STK32A: variants seen among roughly 807,000 people sequenced by gnomAD.
STK32A encodes the protein serine/threonine kinase 32A.
STK32A carries 41 observed loss-of-function variants against 53.2 expected under a neutral mutation model. The ratio of observed to expected loss-of-function variants is 0.77; its 90% confidence interval spans 0.60 to 1.00. The LOEUF is 1.00. Among genes scored for constraint, STK32A ranks in the 50% least tolerant of loss-of-function variants. The probability of loss-of-function intolerance (pLI) is 0.00; values close to 1 mark genes in which losing one functional copy is unlikely to be tolerated. For missense variants in STK32A, 458 were observed against 485.8 expected (o/e 0.94, Z 0.54); for synonymous variants, 166 against 162.8 (o/e 1.02, Z -0.15).
intron 8 of STK32A, among the ~76,000 whole-genome samples, chr5:147,369,054 T>C (rs1334517454): frequency 3.3e-5 from 5 of 152,178 alleles, no homozygotes; most frequent in African/African-American, 1.2e-4. Context: ...CTTTGGCTAC[T>C]AAATTACCAA....
chr5:147,327,326 T>A (rs1754648276), intron 5 of STK32A, among the ~76,000 whole-genome samples: 1 of 152,158 alleles, frequency 6.6e-6, no homozygotes, highest in Non-Finnish European at 1.5e-5. Context: ...GAATTCAAGA[T>A]AACAAAACAC....
intron 4 of STK32A, among the ~76,000 whole-genome samples, chr5:147,298,940 G>A (rs549020544): frequency 6.6e-6 from 1 of 152,282 alleles, no homozygotes; most frequent in East Asian, 1.9e-4. Flanking sequence ...TACCGAGATG[G>A]CTGCCAGATC....
intron 2 of STK32A, among the ~76,000 whole-genome samples, chr5:147,253,846 C>A (rs1003074491): frequency 6.6e-6 from 1 of 152,054 alleles, no homozygotes. Flanking sequence ...AGAAGGCAAA[C>A]GTATATCATT....
intron 7 of STK32A, among the ~76,000 whole-genome samples, chr5:147,353,136 C>T (rs1756062080): frequency 6.9e-6 from 1 of 144,194 alleles, no homozygotes; most frequent in South Asian, 2.3e-4. Flanking sequence ...ACCCCTCTGC[C>T]TCGACTACCC....
intron 4 of STK32A, among the ~76,000 whole-genome samples, chr5:147,320,121 C>G (rs191418352): frequency 5.8e-4 from 88 of 152,290 alleles, no homozygotes; most frequent in Admixed American, 1.3e-3. Flanking sequence ...AAAAAATGCT[C>G]ATCACAGTTA....
At chr5:147,383,201 G>A (rs1357796909) in intron 11 of STK32A, 1 of 522,988 alleles carries the variant, frequency 1.9e-6, no homozygotes, top group East Asian at 3.7e-5. Context: ...TTCTAAAATA[G>A]TGACATTAGA....
chr5:147,248,837 G>A lies in STK32A; in HGVS notation c.52+9151G>A, dbSNP rs140189741. 2.6e-3 allele frequency among the ~76,000 whole-genome samples: 390 copies of A among 152,302 alleles called. 3 individuals carry two copies. Among genetic ancestry groups the A allele is most frequent in the African/African-American group, 8.7e-3 (363 of 41,568 alleles). ...CCTTGGAGACTACTTCCCTGGAGAA[G>A]CTCCAATTATATTCTTAAAGGACCC... On this transcript the variant is annotated intron_variant, in intron 2 of 12. Transcript: ENST00000397936.
rs183758627 is a variant in STK32A, at chr5:147,320,142, T to A, written c.261-3756T>A. ...TGCTCATCACAGTTAACTAAACTGA[T>A]TTCACAACTCCTTAAAGGAATTTGA... On this transcript the variant is annotated intron_variant, in intron 4 of 12. Coordinates refer to ENST00000397936, the MANE Select transcript of STK32A (RefSeq NM_001112724.2). 4.6e-5 allele frequency among the ~76,000 whole-genome samples: 7 copies of A among 152,360 alleles called. No individual in the cohort carries two copies. In the East Asian group the frequency reaches 1.3e-3, roughly 29 times the overall value.
At chr5:147,284,733 A>G (rs189223035) in intron 4 of STK32A, among the ~76,000 whole-genome samples, 2 of 152,044 alleles carry the variant, frequency 1.3e-5, no homozygotes, top group Admixed American at 6.6e-5. Context: ...ACTTAGGAAT[A>G]TACTTAACCA....
intron 4 of STK32A, among the ~76,000 whole-genome samples, chr5:147,295,634 C>T (rs924885876): frequency 6.6e-6 from 1 of 152,158 alleles, no homozygotes; most frequent in Non-Finnish European, 1.5e-5. Flanking sequence ...AGAACTCATT[C>T]ATATATTTTT....
Position 147,384,569 on chromosome 5 carries a change from C to A in STK32A, c.*586C>A. 1.5e-6 allele frequency: 1 copy of A among 681,696 alleles called. No homozygotes were observed. Among genetic ancestry groups the A allele is most frequent in the Non-Finnish European group, 2.4e-6 (1 of 423,314 alleles). 42.2% of individuals were successfully genotyped at this position (681,696 alleles called of 1,614,324 possible). A position where few individuals can be genotyped will look rare whatever the true frequency, so the allele number is the denominator to read the frequency against. On this transcript the variant is annotated 3_prime_UTR_variant, in exon 13 of 13. Coordinates refer to ENST00000397936, the MANE Select transcript of STK32A (RefSeq NM_001112724.2). ...GATATGCGTGAATCAGCATTAGATCCGCTTATCTCAGCTGGCAGGAGCCTG... is the reference window on the plus strand; with the variant it reads ...GATATGCGTGAATCAGCATTAGATCAGCTTATCTCAGCTGGCAGGAGCCTG...
At chr5:147,352,496 G>C (rs1035040494) in intron 7 of STK32A, among the ~76,000 whole-genome samples, 4 of 152,176 alleles carry the variant, frequency 2.6e-5, no homozygotes, top group African/African-American at 9.7e-5. Context: ...AGCAGAACCA[G>C]CTTTACTTCC....
At chr5:147,244,558 C>T (rs1231141191) in intron 2 of STK32A, among the ~76,000 whole-genome samples, 4 of 152,262 alleles carry the variant, frequency 2.6e-5, no homozygotes, top group African/African-American at 9.6e-5. Context: ...CTCAGCTGTG[C>T]CACGTGCCAG....
At chr5:147,388,818 T>G (rs958332701), downstream of STK32A, among the ~76,000 whole-genome samples, 3 of 152,192 alleles carry the variant, frequency 2.0e-5, no homozygotes, top group Non-Finnish European at 4.4e-5. Flanking sequence ...TTTCACCATT[T>G]AAGAAGAAAA....
intron 4 of STK32A, among the ~76,000 whole-genome samples, chr5:147,320,245 A>G (rs1055434777): frequency 3.3e-5 from 5 of 152,202 alleles, no homozygotes; most frequent in Admixed American, 2.0e-4. Flanking sequence ...TTATTTCAAG[A>G]TGGCCCCTGT....
chr5:147,333,134 ATCAATTATG>A (rs1477756803), intron 5 of STK32A, among the ~76,000 whole-genome samples: 1 of 152,144 alleles, frequency 6.6e-6, no homozygotes, highest in Admixed American at 6.6e-5. Flanking sequence ...CATAATATTG[ATCAATTATG>A]CATGTTGGAC....
chr5:147,345,705 G>C (rs1401910811), intron 6 of STK32A, among the ~76,000 whole-genome samples: 2 of 152,000 alleles, frequency 1.3e-5, no homozygotes, highest in African/African-American at 4.8e-5. Context: ...TTTTATTCTT[G>C]GTGGAGCTGG....
chr5:147,399,273 A>G, the STK32A span: 1 of 1,609,972 alleles, frequency 6.2e-7, no homozygotes. Flanking sequence ...ATAAGAAATT[A>G]TATCTATATC....
chr5:147,262,092 C>T (rs1754599004), intron 2 of STK32A, among the ~76,000 whole-genome samples: 1 of 152,128 alleles, frequency 6.6e-6, no homozygotes, highest in African/African-American at 2.4e-5. Flanking sequence ...GTCTTATTCT[C>T]ATCACAAATG....
Sources: gnomAD v4.1 joint callset for allele counts (sites outside exome capture counted in the v4.1 genomes callset) on GRCh38, gnomAD v4.1.1 for gene constraint, MANE v1.5 for transcripts, NCBI Gene and HGNC (gene_info 2026-07-23, HGNC 2026-07-21) for gene names.